The following GRSF1 variants were observed in gnomAD, a reference collection of about 807,000 sequenced individuals.
The protein encoded by GRSF1 is G-rich RNA sequence binding factor 1, also known as G-rich sequence factor 1.
A neutral mutation model predicts 51.1 loss-of-function variants in GRSF1; 50 were observed. The observed-to-expected ratio is 0.98, with a 90% CI of 0.78 to 1.24. GRSF1 has a LOEUF of 1.24. Ranked by LOEUF, GRSF1 falls within the 50% of genes most tolerant of loss-of-function variation. The pLI is 0.00. For synonymous variants in GRSF1, 293 were observed against 253.3 expected (o/e 1.16, Z -1.49); for missense variants, 700 against 639.7 (o/e 1.09, Z -1.02).
intron 8 of GRSF1, 23 bp downstream of exon 8, chr4:70,825,273 C>T: frequency 6.4e-7 from 1 of 1,567,224 alleles, no homozygotes; most frequent in African/African-American, 1.4e-5. Flanking sequence ...AAAATGACAA[C>T]AAAAGCCAAA....
chr4:70,842,039 G>C (rs1177823350), upstream of GRSF1, among the ~76,000 whole-genome samples: 1 of 152,182 alleles, frequency 6.6e-6, no homozygotes, highest in Admixed American at 6.5e-5. Flanking sequence ...CTGGGAGAGG[G>C]GGTGTGGGAA....
In GRSF1 at chr4:70,831,525, T is replaced by C; in HGVS notation, c.950+14A>G. The C allele has an allele frequency of 6.2e-7, 1 of 1,609,698 alleles. No individual in the cohort carries two copies. Among genetic ancestry groups the C allele is most frequent in the Non-Finnish European group, 8.5e-7 (1 of 1,177,456 alleles). On this transcript the variant is annotated intron_variant, in intron 5 of 9. Coordinates refer to ENST00000254799, the MANE Select transcript of GRSF1 (RefSeq NM_002092.4). ...GTGTAACACTTCTGCATCATTAGTA[T>C]CTGCTTTACTCACCGATTACCAATT...
chr4:70,835,744 A>T (rs1397058571), intron 2 of GRSF1, among the ~76,000 whole-genome samples: 1 of 152,142 alleles, frequency 6.6e-6, no homozygotes, highest in South Asian at 2.1e-4. Flanking sequence ...CCTGGCCCAT[A>T]CTATGCAGTC....
intron 4 of GRSF1, among the ~76,000 whole-genome samples, 164 bp from the exon 5 acceptor site, chr4:70,831,838 A>T (rs910895578): frequency 2.0e-5 from 3 of 151,690 alleles, no homozygotes; most frequent in African/African-American, 7.3e-5. Context: ...GTCAGTCAAC[A>T]CCTACATACT....
At chr4:70,840,257 G>T (rs986045251), upstream of GRSF1, among the ~76,000 whole-genome samples, 19 of 152,178 alleles carry the variant, frequency 1.2e-4, no homozygotes, top group Non-Finnish European at 2.2e-4. Flanking sequence ...GGCGGGGCCC[G>T]GGGAAGTGGG....
In GRSF1 at chr4:70,831,743, C is replaced by G. The variant is rs1733977933; in HGVS notation, c.815-69G>C. 6.7e-6 allele frequency: 9 copies of G among 1,350,106 alleles called. No homozygotes were observed. The South Asian group carries it at 1.2e-4, about 18-fold the overall frequency. 83.6% of individuals were successfully genotyped at this position (1,350,106 alleles called of 1,614,324 possible). On this transcript the variant is annotated intron_variant, in intron 4 of 9. Transcript: ENST00000254799. ...TCCTTAGAATTAACACCATCATTCA[C>G]ATACTAATAAAATTTTTATTCTGTT...
In GRSF1 at chr4:70,819,530, C is replaced by A. The variant is rs1200615075; in HGVS notation, c.*1357G>T. The A allele has an allele frequency of 6.6e-6, 1 of 152,182 alleles. No homozygotes were observed. Among genetic ancestry groups the A allele is most frequent in the Non-Finnish European group, 1.5e-5 (1 of 68,032 alleles). The allele number at this position is 152,182 out of a possible 1,614,324, so 9.4% of individuals were successfully genotyped here. ...CCAATAATAAATACTCTTAGGTAAT[C>A]TTCAGCCTGAAACAAGTCTTCATTT... On this transcript the variant is annotated 3_prime_UTR_variant, in exon 10 of 10. Transcript: ENST00000254799.
Position 70,820,257 on chromosome 4 carries a change from A to T in GRSF1, c.*630T>A, listed in dbSNP as rs538627189. ...CTTTAGCACAAGGCTTAGAAAGGCAAAACATTTCTAAAGACATAAAACCGC... is the reference window on the plus strand; with the variant it reads ...CTTTAGCACAAGGCTTAGAAAGGCATAACATTTCTAAAGACATAAAACCGC... On this transcript the variant is annotated 3_prime_UTR_variant, in exon 10 of 10. Transcript: ENST00000254799. The T allele has an allele frequency of 6.5e-6, 1 of 152,790 alleles. No individual in the cohort carries two copies. Among genetic ancestry groups the T allele is most frequent in the South Asian group, 2.1e-4 (1 of 4,826 alleles). The allele number at this position is 152,790 out of a possible 1,614,324, so 9.5% of individuals were successfully genotyped here. A position where few individuals can be genotyped will look rare whatever the true frequency, so the allele number is the denominator to read the frequency against.
intron 2 of GRSF1, among the ~76,000 whole-genome samples, chr4:70,834,090 C>G (rs922143930): frequency 6.6e-6 from 1 of 152,142 alleles, no homozygotes; most frequent in Non-Finnish European, 1.5e-5. Context: ...AAAACCCTGT[C>G]TCTACTAAAA....
In GRSF1 at chr4:70,817,026, C is replaced by T. The variant is rs1317654911; in HGVS notation, c.*3861G>A. 1.3e-5 allele frequency: 2 copies of T among 148,814 alleles called. No individual in the cohort carries two copies. Among genetic ancestry groups the T allele is most frequent in the Non-Finnish European group, 2.9e-5 (2 of 67,970 alleles). 9.2% of individuals were successfully genotyped at this position (148,814 alleles called of 1,614,324 possible). A position where few individuals can be genotyped will look rare whatever the true frequency, so the allele number is the denominator to read the frequency against. On this transcript the variant is annotated 3_prime_UTR_variant, in exon 10 of 10. Transcript: ENST00000254799. ...TTTTTAAAAGAAATGACAACACCCA[C>T]TAACACTTGCTTATAAATAAAGTAA... is the stretch of plus-strand genomic sequence containing the variant.
Position 70,827,598 on chromosome 4 carries a change from C to G in GRSF1, c.1135+254G>C, listed in dbSNP as rs535884382. 9.5e-4 allele frequency among the ~76,000 whole-genome samples: 144 copies of G among 151,856 alleles called. 1 individual carries two copies. Among genetic ancestry groups the G allele is most frequent in the African/African-American group, 3.5e-3 (143 of 41,410 alleles). On this transcript the variant is annotated intron_variant, in intron 6 of 9. Transcript: ENST00000254799. Reference sequence around the variant, plus strand: ...TTCCAGACCAGCCTGGCCAACGTGGCGAAACCCTATCTCTACTAAAAATAT... The same window carrying G: ...TTCCAGACCAGCCTGGCCAACGTGGGGAAACCCTATCTCTACTAAAAATAT...
Position 70,826,252 on chromosome 4 carries a change from G to A in GRSF1, c.1136-7C>T. 3 of 1,595,694 alleles carry A rather than the reference G, an allele frequency of 1.9e-6. No homozygotes were observed. Among genetic ancestry groups the A allele is most frequent in the Non-Finnish European group, 2.6e-6 (3 of 1,173,928 alleles). ...GGCACCTCCTTAGGCAATTCTGAGA[G>A]GTGGAACAGAAAGCACTGTTAAAAC... is the stretch of plus-strand genomic sequence containing the variant. On this transcript the variant is annotated splice_region_variant and splice_polypyrimidine_tract_variant and intron_variant, in intron 6 of 9. Coordinates refer to ENST00000254799, the MANE Select transcript of GRSF1 (RefSeq NM_002092.4).
At chr4:70,827,417 A>C (rs1256522072) in intron 6 of GRSF1, among the ~76,000 whole-genome samples, 2 of 152,214 alleles carry the variant, frequency 1.3e-5, no homozygotes, top group Non-Finnish European at 2.9e-5. Context: ...GATATAGTTA[A>C]TAAAAATGAT....
At position 70,817,109 on chromosome 4, in the gene GRSF1, A is replaced by G. The variant is rs957308828; in HGVS notation, c.*3778T>C. The G allele has an allele frequency of 2.0e-5, 3 of 152,236 alleles. No homozygotes were observed. Among genetic ancestry groups the G allele is most frequent in the Admixed American group, 6.5e-5 (1 of 15,278 alleles). 9.4% of individuals were successfully genotyped at this position (152,236 alleles called of 1,614,324 possible). A position where few individuals can be genotyped will look rare whatever the true frequency, so the allele number is the denominator to read the frequency against. The stretch of plus-strand genomic sequence containing the variant: ...ACAGGGCTGTGCGAGAATAGAAACT[A>G]AACAGCTGAATTACAGGAGGGGAAG... On this transcript the variant is annotated 3_prime_UTR_variant, in exon 10 of 10. Coordinates refer to ENST00000254799, the MANE Select transcript of GRSF1 (RefSeq NM_002092.4).
At chr4:70,820,992 G>A (rs1304596814) in intron 9 of GRSF1, 131 bp from the exon 10 acceptor site, 4 of 152,158 alleles carry the variant, frequency 2.6e-5, no homozygotes, top group Non-Finnish European at 1.5e-5. Flanking sequence ...CTGATAAACC[G>A]AGTTAAAGTG....
In GRSF1 at chr4:70,833,960, T is replaced by TA. The variant is rs1734089478; in HGVS notation, c.515-688dup. On this transcript the variant is annotated intron_variant, in intron 2 of 9. Transcript: ENST00000254799. ...TTACTCCTGCTCCACAAGGAGCAGCTAAAAAAATTAATGAAATAGCCAGGC... is the reference window on the plus strand; with the variant it reads ...TTACTCCTGCTCCACAAGGAGCAGCTAAAAAAAATTAATGAAATAGCCAGGC... Among the ~76,000 whole-genome samples, 5 of 152,086 alleles carry TA rather than the reference T, an allele frequency of 3.3e-5. No homozygotes were observed. The South Asian group carries it at 1.0e-3, about 32-fold the overall frequency.
In GRSF1 at chr4:70,839,770, T is replaced by C; in HGVS notation, c.58A>G (p.Ser20Gly). The change falls in exon 1 of 10, where the codon AGC becomes GGC. Residue 20 changes from serine to glycine, a missense_variant. Ser to Gly is a moderately conservative substitution (Grantham distance 56). Transcript: ENST00000254799. ...ALLRGCGCNCSSCRRTGAACL... is the reference protein window; with the variant it reads ...ALLRGCGCNCGSCRRTGAACL... Reference sequence around the variant, plus strand: ...GCGGCGCCGGTGCGCCGGCAGCTGCTGCAGTTACAGCCGCAGCCCCGGAGC... The same window carrying C: ...GCGGCGCCGGTGCGCCGGCAGCTGCCGCAGTTACAGCCGCAGCCCCGGAGC... 1 of 1,505,810 alleles carries C rather than the reference T, an allele frequency of 6.6e-7. No homozygotes were observed. The highest frequency in any genetic ancestry group is 8.8e-7 in the Non-Finnish European group (1 of 1,134,474). The allele number at this position is 1,505,810 out of a possible 1,614,324, so 93.3% of individuals were successfully genotyped here.
Position 70,827,867 on chromosome 4 carries a change from T to C in GRSF1, c.1120A>G (p.Ser374Gly). The change falls in exon 6 of 10, where the codon AGT (serine) becomes GGT (glycine). Residue 374 changes from serine to glycine, a missense_variant. Coordinates refer to ENST00000254799, the MANE Select transcript of GRSF1 (RefSeq NM_002092.4). The part of the protein sequence containing the change: ...EDIQPMTAFE[S>G]EKEIELPKEV... The stretch of plus-strand genomic sequence containing the variant: ...AGGACCTTACCTATTTCCTTCTCAC[T>C]TTCAAAAGCTGTCATGGGTTGAATA... 1.2e-6 allele frequency: 2 copies of C among 1,610,960 alleles called. No individual in the cohort carries two copies. The highest frequency in any genetic ancestry group is 2.7e-5 in the African/African-American group (2 of 74,904).
chr4:70,832,224 G>C, intron 4 of GRSF1, 83 bp downstream of exon 4: 3 of 1,166,482 alleles, frequency 2.6e-6, no homozygotes, highest in Non-Finnish European at 3.7e-6. Context: ...CCTTTGCCCA[G>C]AAACAGGCTC....
Sources: allele counts gnomAD v4.1 joint callset (sites outside exome capture counted in the v4.1 genomes callset), GRCh38; gene constraint gnomAD v4.1.1; transcripts MANE v1.5; gene names NCBI Gene and HGNC (gene_info 2026-07-23, HGNC 2026-07-21).